The following FHOD3 variants were observed in gnomAD, a reference collection of about 807,000 sequenced individuals.
The protein encoded by FHOD3 is FH1/FH2 domain-containing protein 3.
FHOD3 carries 90 observed loss-of-function variants against 173.0 expected under a neutral mutation model. The observed-to-expected ratio is 0.52, with a 90% CI of 0.44 to 0.62. The LOEUF is 0.62. Among genes scored for constraint, FHOD3 ranks in the 20% least tolerant of loss-of-function variants. The probability of loss-of-function intolerance (pLI) is 0.00; values close to 1 mark genes in which losing one functional copy is unlikely to be tolerated. For synonymous variants in FHOD3, 828 were observed against 823.0 expected (o/e 1.01, Z -0.10); for missense variants, 1,945 against 2,034.7 (o/e 0.96, Z 0.85).
At chr18:36,620,046 T>A (rs2033577763) in intron 9 of FHOD3, among the ~76,000 whole-genome samples, 1 of 152,188 alleles carries the variant, frequency 6.6e-6, no homozygotes, top group South Asian at 2.1e-4. Context: ...AGCAAGGTGA[T>A]CCTCCTGAAA....
At chr18:36,476,880 C>T (rs2053603926) in intron 3 of FHOD3, among the ~76,000 whole-genome samples, 1 of 152,160 alleles carries the variant, frequency 6.6e-6, no homozygotes, top group South Asian at 2.1e-4. Context: ...GTTCTTGGAG[C>T]TGCTGGAATA....
chr18:36,690,221 C>T (rs866694046), intron 16 of FHOD3, among the ~76,000 whole-genome samples: 1 of 152,064 alleles, frequency 6.6e-6, no homozygotes, highest in African/African-American at 2.4e-5. Flanking sequence ...ATGACAGGCA[C>T]TTGACAAACA....
chr18:36,364,002 T>G (rs983534610), intron 2 of FHOD3, among the ~76,000 whole-genome samples: 1 of 152,180 alleles, frequency 6.6e-6, no homozygotes, highest in Non-Finnish European at 1.5e-5. Context: ...CAGTTTCAAG[T>G]ACAATATGTT....
intron 5 of FHOD3, among the ~76,000 whole-genome samples, chr18:36,542,878 T>C (rs894275506): frequency 6.6e-6 from 1 of 152,212 alleles, no homozygotes; most frequent in Admixed American, 6.5e-5. Flanking sequence ...ATTAGCTCCC[T>C]GTGAGGGTCA....
intron 7 of FHOD3, among the ~76,000 whole-genome samples, chr18:36,599,979 A>T (rs1049969234): frequency 5.9e-5 from 9 of 151,940 alleles, no homozygotes; most frequent in Middle Eastern, 3.4e-3. Flanking sequence ...GGTGGGGGGC[A>T]GTGGAGTTGG....
intron 2 of FHOD3, among the ~76,000 whole-genome samples, chr18:36,359,740 G>A (rs1347641845): frequency 6.6e-6 from 1 of 152,132 alleles, no homozygotes; most frequent in East Asian, 1.9e-4. Context: ...TTGACCCTGG[G>A]GATGTAACTT....
At chr18:36,488,887 G>A (rs1429996893) in intron 3 of FHOD3, among the ~76,000 whole-genome samples, 2 of 152,178 alleles carry the variant, frequency 1.3e-5, no homozygotes, top group Non-Finnish European at 2.9e-5. Flanking sequence ...TTGACAGCTG[G>A]TGCCATAGAT....
At chr18:36,617,836 A>G (rs2033352659) in intron 9 of FHOD3, among the ~76,000 whole-genome samples, 2 of 152,014 alleles carry the variant, frequency 1.3e-5, no homozygotes, top group South Asian at 2.1e-4. Context: ...TTTGGTAACT[A>G]TATTTTTTTC....
At chr18:36,721,697 A>G (rs1487428527) in intron 19 of FHOD3, among the ~76,000 whole-genome samples, 1 of 152,178 alleles carries the variant, frequency 6.6e-6, no homozygotes, top group Non-Finnish European at 1.5e-5. Flanking sequence ...AGCTGAATCC[A>G]TTTTGCATAT....
Position 36,631,091 on chromosome 18 carries a change from C to T in FHOD3, c.1196+5342C>T, listed in dbSNP as rs190862764. On this transcript the variant is annotated intron_variant, in intron 10 of 28. Coordinates refer to ENST00000590592, the MANE Select transcript of FHOD3 (RefSeq NM_001281740.3). Reference sequence around the variant, plus strand: ...GGGCTCCAGGCCAGGAGTACTGATGCGGCAGTGGAGAGCCCACTTGAGCTG... The same window carrying T: ...GGGCTCCAGGCCAGGAGTACTGATGTGGCAGTGGAGAGCCCACTTGAGCTG... 1.8e-3 allele frequency among the ~76,000 whole-genome samples: 272 copies of T among 152,266 alleles called. 2 individuals are homozygous for T. The highest frequency in any genetic ancestry group is 4.7e-4 in the Non-Finnish European group (32 of 68,024).
chr18:36,671,136 T>C (rs1288119907), intron 14 of FHOD3, among the ~76,000 whole-genome samples: 1 of 152,266 alleles, frequency 6.6e-6, no homozygotes, highest in Non-Finnish European at 1.5e-5. Flanking sequence ...GGAAACCTTC[T>C]GCAGATGTAC....
chr18:36,630,429 T>C (rs1287295168), intron 10 of FHOD3, among the ~76,000 whole-genome samples: 1 of 152,196 alleles, frequency 6.6e-6, no homozygotes, highest in Admixed American at 6.5e-5. Context: ...TCTCAGGAAA[T>C]ATGCTTGAAC....
chr18:36,441,621 ATTT>A (rs1163684667), intron 3 of FHOD3, among the ~76,000 whole-genome samples: 1 of 152,162 alleles, frequency 6.6e-6, no homozygotes, highest in Non-Finnish European at 1.5e-5. Flanking sequence ...GCTCCTTCTT[ATTT>A]TTAAGCTTAT....
chr18:36,705,481 A>G (rs2039824213), intron 17 of FHOD3, among the ~76,000 whole-genome samples: 1 of 152,138 alleles, frequency 6.6e-6, no homozygotes, highest in African/African-American at 2.4e-5. Flanking sequence ...TTACACATCC[A>G]TCACTCTTAC....
At chr18:36,488,856 T>A (rs1039348338) in intron 3 of FHOD3, among the ~76,000 whole-genome samples, 3 of 152,098 alleles carry the variant, frequency 2.0e-5, no homozygotes, top group Non-Finnish European at 4.4e-5. Context: ...CAGGCACAGG[T>A]ACAGTGTCAG....
At chr18:36,755,003 A>T (rs1463559677) in intron 24 of FHOD3, 116 bp from the exon 25 acceptor site, 31 of 207,772 alleles carry the variant, frequency 1.5e-4, no homozygotes, top group Middle Eastern at 2.0e-3. Context: ...TATTATTATT[A>T]TTATTATTAT....
intron 27 of FHOD3, among the ~76,000 whole-genome samples, chr18:36,765,551 A>G (rs917732546): frequency 6.6e-6 from 1 of 152,248 alleles, no homozygotes; most frequent in Non-Finnish European, 1.5e-5. Context: ...AGGACTTGAA[A>G]TGACCATTAT....
At chr18:36,729,261 T>C (rs1183532354) in intron 19 of FHOD3, among the ~76,000 whole-genome samples, 1 of 152,206 alleles carries the variant, frequency 6.6e-6, no homozygotes, top group Non-Finnish European at 1.5e-5. Context: ...CCAAGTGTGT[T>C]TGCCTCAAAG....
At chr18:36,618,471 C>A (rs557321297) in intron 9 of FHOD3, among the ~76,000 whole-genome samples, 1 of 152,006 alleles carries the variant, frequency 6.6e-6, no homozygotes, top group Non-Finnish European at 1.5e-5. Flanking sequence ...CGCCACCATG[C>A]CTGGCTAATT....
Sources: gnomAD v4.1 joint callset for allele counts (sites outside exome capture counted in the v4.1 genomes callset) on GRCh38, gnomAD v4.1.1 for gene constraint, MANE v1.5 for transcripts, NCBI Gene and HGNC (gene_info 2026-07-23, HGNC 2026-07-21) for gene names.